KCNG2: variants seen among roughly 807,000 people sequenced by gnomAD.
KCNG2 encodes the protein potassium voltage-gated channel modifier subfamily G member 2.
Under a neutral mutation model 12.3 loss-of-function variants are expected in KCNG2, and 7 were observed. That is an observed-to-expected ratio of 0.57 (90% CI 0.32 to 1.07). The LOEUF (loss-of-function observed/expected upper bound fraction) is 1.07, where lower values mean the gene tolerates loss of function less well. Ranked by LOEUF, KCNG2 falls within the 50% of genes least tolerant of loss-of-function variation. The pLI is 0.04. For missense variants in KCNG2, 703 were observed against 726.0 expected (o/e 0.97, Z 0.36); for synonymous variants, 414 against 351.4 (o/e 1.18, Z -1.99).
chr18:79,869,591 C>T (rs112283813), intron 3 of KCNG2, among the ~76,000 whole-genome samples: 137 of 152,284 alleles, frequency 9.0e-4, no homozygotes, highest in African/African-American at 3.2e-3. Context: ...CACGTGGGAT[C>T]GTTCACTCCA....
chr18:79,858,629 T>C (rs1234250916), intron 2 of KCNG2, among the ~76,000 whole-genome samples: 1 of 152,194 alleles, frequency 6.6e-6, no homozygotes, highest in Non-Finnish European at 1.5e-5. Flanking sequence ...GTTTAAATTT[T>C]TGAGGAACTG....
intron 1 of KCNG2, among the ~76,000 whole-genome samples, chr18:79,833,030 A>G (rs1978304710): frequency 7.4e-6 from 1 of 135,610 alleles, no homozygotes; most frequent in Admixed American, 7.9e-5. Context: ...AGGATATTTT[A>G]TAACTTTTTT....
At chr18:79,888,213 G>A (rs940229992) in intron 3 of KCNG2, among the ~76,000 whole-genome samples, 49 of 152,336 alleles carry the variant, frequency 3.2e-4, no homozygotes, top group Non-Finnish European at 5.1e-4. Context: ...ATTCAGTCCC[G>A]TCCACGCGGT....
intron 2 of KCNG2, among the ~76,000 whole-genome samples, chr18:79,863,132 C>T (rs1979283176): frequency 6.6e-6 from 1 of 152,258 alleles, no homozygotes; most frequent in African/African-American, 2.4e-5. Context: ...TGCAGTTTCT[C>T]CGCCTCACAG....
intron 1 of KCNG2, among the ~76,000 whole-genome samples, chr18:79,807,461 G>A (rs971920215): frequency 2.0e-5 from 3 of 152,188 alleles, no homozygotes; most frequent in Non-Finnish European, 4.4e-5. Flanking sequence ...CCTCAGCGGC[G>A]CGGACTGCTC....
intron 3 of KCNG2, among the ~76,000 whole-genome samples, chr18:79,887,582 C>A (rs1350406330): frequency 6.6e-6 from 1 of 152,194 alleles, no homozygotes; most frequent in African/African-American, 2.4e-5. Flanking sequence ...CTGGGCGCAT[C>A]AGGGTTTCAA....
At chr18:79,878,967 C>T (rs1024899658) in intron 3 of KCNG2, among the ~76,000 whole-genome samples, 5 of 152,240 alleles carry the variant, frequency 3.3e-5, no homozygotes, top group South Asian at 2.1e-4. Context: ...GGAATGGGGA[C>T]GACAATGGGT....
intron 1 of KCNG2, among the ~76,000 whole-genome samples, chr18:79,821,913 G>A (rs916709966): frequency 2.0e-4 from 31 of 152,172 alleles, no homozygotes; most frequent in Non-Finnish European, 2.8e-4. Context: ...TTCGTGGTCC[G>A]TTAAGACTCC....
At chr18:79,895,324 A>T (rs755462719) in intron 3 of KCNG2, among the ~76,000 whole-genome samples, 5 of 150,876 alleles carry the variant, frequency 3.3e-5, no homozygotes, top group Non-Finnish European at 5.9e-5. Flanking sequence ...TTAATGTTAC[A>T]ATTCATATAG....
intron 3 of KCNG2, among the ~76,000 whole-genome samples, chr18:79,890,670 C>T (rs893675532): frequency 6.6e-6 from 1 of 152,192 alleles, no homozygotes; most frequent in Non-Finnish European, 1.5e-5. Flanking sequence ...TCTCCTTTGA[C>T]CCTTTGGCTG....
chr18:79,837,668 C>T (rs1978346462), intron 1 of KCNG2, among the ~76,000 whole-genome samples: 1 of 152,204 alleles, frequency 6.6e-6, no homozygotes. Flanking sequence ...TCTGAGACCA[C>T]CTTAGCCTGG....
chr18:79,868,654 A>C (rs1979707470), intron 3 of KCNG2, among the ~76,000 whole-genome samples: 1 of 152,180 alleles, frequency 6.6e-6, no homozygotes, highest in Admixed American at 6.5e-5. Flanking sequence ...GAAGGACGTC[A>C]CCTTTTGTCC....
intron 1 of KCNG2, among the ~76,000 whole-genome samples, chr18:79,839,536 G>A (rs1317659482): frequency 6.6e-6 from 1 of 152,122 alleles, no homozygotes; most frequent in Non-Finnish European, 1.5e-5. Context: ...TAGATCATGA[G>A]AATAGTCCTA....
chr18:79,816,997 AT>A (rs1162039719), intron 1 of KCNG2, among the ~76,000 whole-genome samples: 1 of 151,726 alleles, frequency 6.6e-6, no homozygotes, highest in East Asian at 1.9e-4. Flanking sequence ...TGCCTGTCAC[AT>A]GGTTGTCACA....
Position 79,899,773 on chromosome 18 carries a change from CCGA to C in KCNG2, c.1363_1365del (p.Asp455del), listed in dbSNP as rs1032453831. On this transcript the variant is annotated inframe_deletion, in exon 4 of 4. Coordinates refer to ENST00000316249, the MANE Select transcript of KCNG2 (RefSeq NM_012283.2). ...CAGGGCCCCGACAGCGCGGGCCTGG[CCGA>C]CGACTCCGCGGATGCGCTGTGGGTG... is the stretch of plus-strand genomic sequence containing the variant. 1.4e-5 allele frequency: 21 copies of C among 1,492,688 alleles called. No individual in the cohort carries two copies. Among genetic ancestry groups the C allele is most frequent in the Admixed American group, 2.4e-5 (1 of 41,208 alleles). The allele number at this position is 1,492,688 out of a possible 1,614,324, so 92.5% of individuals were successfully genotyped here.
intron 1 of KCNG2, among the ~76,000 whole-genome samples, chr18:79,854,232 G>A (rs943766458): frequency 1.3e-5 from 2 of 152,152 alleles, no homozygotes; most frequent in African/African-American, 2.4e-5. Context: ...TCCCAGCCCC[G>A]TTCACCAGAG....
chr18:79,893,727 G>T (rs1980834478), intron 3 of KCNG2, among the ~76,000 whole-genome samples: 1 of 150,524 alleles, frequency 6.6e-6, no homozygotes, highest in African/African-American at 2.4e-5. Context: ...CACATCTAAT[G>T]GTACAATTGA....
intron 1 of KCNG2, among the ~76,000 whole-genome samples, 116 bp downstream of exon 1, chr18:79,798,130 C>A (rs950537253): frequency 6.5e-4 from 98 of 150,504 alleles, no homozygotes; most frequent in African/African-American, 2.3e-3. Flanking sequence ...CCGCGCGCAG[C>A]TTCTTCTCCG....
chr18:79,834,468 G>A (rs1030809955), intron 1 of KCNG2, among the ~76,000 whole-genome samples: 9 of 152,156 alleles, frequency 5.9e-5, no homozygotes, highest in African/African-American at 2.2e-4. Context: ...CCCAACACCA[G>A]GTCATGGGCG....
Sources: allele counts gnomAD v4.1 joint callset (sites outside exome capture counted in the v4.1 genomes callset), GRCh38; gene constraint gnomAD v4.1.1; transcripts MANE v1.5; gene names NCBI Gene and HGNC (gene_info 2026-07-23, HGNC 2026-07-21).